TMEM184B: variants seen among roughly 807,000 people sequenced by gnomAD.
TMEM184B encodes putative MAPK-activating protein FM08.
Under a neutral mutation model 41.8 loss-of-function variants are expected in TMEM184B, and 17 were observed. The ratio of observed to expected loss-of-function variants is 0.41; its 90% CI spans 0.28 to 0.61. TMEM184B has a LOEUF of 0.61. TMEM184B is among the 20% of genes least tolerant of loss of function. The probability of loss-of-function intolerance (pLI) is 0.34; values close to 1 mark genes in which losing one functional copy is unlikely to be tolerated. For missense variants in TMEM184B, 393 were observed against 557.8 expected (o/e 0.70, Z 2.98); for synonymous variants, 240 against 229.5 (o/e 1.05, Z -0.41).
intron 1 of TMEM184B, among the ~76,000 whole-genome samples, chr22:38,262,924 A>G (rs1199788655): frequency 6.6e-6 from 1 of 152,088 alleles, no homozygotes; most frequent in Admixed American, 6.6e-5. Flanking sequence ...ATTATTTGAG[A>G]CAGAGTCTCG....
chr22:38,245,777 G>A (rs2092012466), intron 3 of TMEM184B, among the ~76,000 whole-genome samples, 158 bp downstream of exon 3: 2 of 152,250 alleles, frequency 1.3e-5, no homozygotes. Flanking sequence ...TGCATGTGCT[G>A]TTACCTGTCA....
At chr22:38,245,898 C>T in intron 3 of TMEM184B, 37 bp downstream of exon 3, 1 of 1,282,620 alleles carries the variant, frequency 7.8e-7, no homozygotes, top group Non-Finnish European at 1.1e-6. Flanking sequence ...GCCCCCCAGC[C>T]CCCCGCCAGC....
chr22:38,219,493 T>G lies in TMEM184B; in HGVS notation c.*1976A>C, dbSNP rs1203605926. The G allele has an allele frequency of 1.0e-6, 1 of 985,416 alleles. No individual in the cohort carries two copies. Among genetic ancestry groups the G allele is most frequent in the Non-Finnish European group, 1.2e-6 (1 of 829,858 alleles). The allele number at this position is 985,416 out of a possible 1,614,324, so 61.0% of individuals were successfully genotyped here. The stretch of plus-strand genomic sequence containing the variant: ...TACAATTAATTTTTCAAGTATTCTT[T>G]ATGTACAAAGAGCTACTCTACCTGG... On this transcript the variant is annotated 3_prime_UTR_variant, in exon 9 of 9. Coordinates refer to ENST00000361906, the MANE Select transcript of TMEM184B (RefSeq NM_012264.5).
chr22:38,228,353 T>G (rs756141941), intron 5 of TMEM184B, among the ~76,000 whole-genome samples: 1 of 152,120 alleles, frequency 6.6e-6, no homozygotes, highest in Non-Finnish European at 1.5e-5. Flanking sequence ...CTGACGTGGG[T>G]GCTGTCATTA....
chr22:38,268,763 T>C (rs1040750296), intron 1 of TMEM184B, among the ~76,000 whole-genome samples: 1 of 152,218 alleles, frequency 6.6e-6, no homozygotes, highest in East Asian at 1.9e-4. Context: ...CAGGCGACAA[T>C]GGCCTAAGGT....
intron 3 of TMEM184B, among the ~76,000 whole-genome samples, chr22:38,245,445 C>A (rs1043613763): frequency 7.2e-6 from 1 of 139,480 alleles, no homozygotes. Flanking sequence ...CAGGTACCTG[C>A]CTGAGACGCC....
At chr22:38,246,134 C>T (rs1173328141) in intron 2 of TMEM184B, 34 bp from the exon 3 acceptor site, 1 of 1,597,256 alleles carries the variant, frequency 6.3e-7, no homozygotes, top group Admixed American at 1.7e-5. Flanking sequence ...GCTGGGGACC[C>T]TCCTGTCCAC....
chr22:38,234,376 C>G (rs2091716189), intron 3 of TMEM184B, among the ~76,000 whole-genome samples: 1 of 152,212 alleles, frequency 6.6e-6, no homozygotes, highest in East Asian at 1.9e-4. Flanking sequence ...AACTGCCAGG[C>G]ACACAAGGGA....
chr22:38,222,569 G>A, intron 8 of TMEM184B: 1 of 984,218 alleles, frequency 1.0e-6, no homozygotes, highest in African/African-American at 1.7e-5. Context: ...AAGAGCTACA[G>A]AGAGACGCAT....
intron 3 of TMEM184B, among the ~76,000 whole-genome samples, 187 bp downstream of exon 3, chr22:38,245,748 T>A (rs2092011948): frequency 6.6e-6 from 1 of 152,228 alleles, no homozygotes; most frequent in Admixed American, 6.5e-5. Flanking sequence ...TCCAGGTACC[T>A]GTGAGGTGAG....
At chr22:38,253,136 A>G (rs9306325) in intron 1 of TMEM184B, among the ~76,000 whole-genome samples, 1 of 151,574 alleles carries the variant, frequency 6.6e-6, no homozygotes, top group Non-Finnish European at 1.5e-5. Context: ...AGCCAGACGC[A>G]GTCTCAAAAA....
At chr22:38,231,692 G>A (rs1247293702) in intron 3 of TMEM184B, 6 of 432,184 alleles carry the variant, frequency 1.4e-5, no homozygotes, top group South Asian at 1.2e-4. Context: ...CGACCCTGGG[G>A]CGAAACAGTA....
chr22:38,242,873 C>T (rs2091943283), intron 3 of TMEM184B, among the ~76,000 whole-genome samples: 1 of 152,046 alleles, frequency 6.6e-6, no homozygotes, highest in Non-Finnish European at 1.5e-5. Flanking sequence ...ACCATCCTGG[C>T]CAACATGGTG....
In TMEM184B at chr22:38,247,763, T is replaced by C; in HGVS notation, c.192+7A>G. ...CTTTCTAGAGGCCCCTTGCCAGGCT[T>C]GGGTACCTGGTGGCATGTGATGAGC... On this transcript the variant is annotated splice_region_variant and intron_variant, in intron 2 of 8. Transcript: ENST00000361906. The C allele has an allele frequency of 6.2e-7, 1 of 1,608,700 alleles. No homozygotes were observed. Among genetic ancestry groups the C allele is most frequent in the East Asian group, 2.2e-5 (1 of 44,740 alleles).
intron 1 of TMEM184B, among the ~76,000 whole-genome samples, chr22:38,271,241 T>C (rs570357605): frequency 1.1e-4 from 16 of 152,290 alleles, no homozygotes; most frequent in African/African-American, 3.8e-4. Context: ...CCAGGTCCCA[T>C]TGATCATCAG....
downstream of TMEM184B, among the ~76,000 whole-genome samples, chr22:38,216,871 C>G (rs1019830290): frequency 3.3e-5 from 5 of 151,680 alleles, no homozygotes; most frequent in African/African-American, 4.9e-5. Flanking sequence ...TAGTGACACC[C>G]CATCTCTACA....
rs1276878331 is a variant in TMEM184B, at chr22:38,246,636, G to A, written c.193-536C>T. The stretch of plus-strand genomic sequence containing the variant: ...CACTTCCTGGCCGAGTGGCTGCAGG[G>A]ATGTCCTCAGGTTGTGCCTCCTCCT... On this transcript the variant is annotated intron_variant, in intron 2 of 8. Coordinates refer to ENST00000361906, the MANE Select transcript of TMEM184B (RefSeq NM_012264.5). 6 of 348,828 alleles carry A rather than the reference G, an allele frequency of 1.7e-5. No individual in the cohort carries two copies. The East Asian group carries it at 5.8e-4, about 34-fold the overall frequency. 21.6% of individuals were successfully genotyped at this position (348,828 alleles called of 1,614,324 possible).
chr22:38,220,055 C>T lies in TMEM184B; in HGVS notation c.*1414G>A. The T allele has an allele frequency of 1.0e-6, 1 of 985,566 alleles. No homozygotes were observed. The highest frequency in any genetic ancestry group is 1.2e-6 in the Non-Finnish European group (1 of 830,020). 61.1% of individuals were successfully genotyped at this position (985,566 alleles called of 1,614,324 possible). On this transcript the variant is annotated 3_prime_UTR_variant, in exon 9 of 9. Coordinates refer to ENST00000361906, the MANE Select transcript of TMEM184B (RefSeq NM_012264.5). ...CCTCTCCCTTACCCTACCAGCTTCT[C>T]CAGGTGACTGCAGCCCAAACCCAGG...
Position 38,255,088 on chromosome 22 carries a change from C to T in TMEM184B, c.-58-7069G>A, listed in dbSNP as rs569887079. The stretch of plus-strand genomic sequence containing the variant: ...GCCCCAGGCTGGAGGGGCAGTAGCA[C>T]GATCCTGGCTCACTGCAACCTCCAC... On this transcript the variant is annotated intron_variant, in intron 1 of 8. Transcript: ENST00000361906. Among the ~76,000 whole-genome samples, 12 of 152,218 alleles carry T rather than the reference C, an allele frequency of 7.9e-5. No homozygotes were observed. The East Asian group carries it at 2.1e-3, about 27-fold the overall frequency.
Sources: allele counts gnomAD v4.1 joint callset (sites outside exome capture counted in the v4.1 genomes callset), GRCh38; gene constraint gnomAD v4.1.1; transcripts MANE v1.5; gene names NCBI Gene and HGNC (gene_info 2026-07-23, HGNC 2026-07-21).